Variants in POU3F2 observed in about 807,000 individuals in gnomAD.
The protein encoded by POU3F2 is POU class 3 homeobox 2.
A neutral mutation model predicts 33.1 loss-of-function variants in POU3F2; 11 were observed. The observed-to-expected ratio is 0.33, with a 90% CI of 0.21 to 0.55. POU3F2 has a LOEUF of 0.55. Among genes scored for constraint, POU3F2 ranks in the 20% least tolerant of loss-of-function variants. POU3F2 has a pLI of 0.91. For synonymous variants in POU3F2, 332 were observed against 289.6 expected, an observed-to-expected ratio of 1.15 and a Z score of -1.49; for missense variants, 456 against 620.2, an observed-to-expected ratio of 0.74 and a Z score of 2.81.
At position 98,834,999 on chromosome 6, in the gene POU3F2, G is replaced by T. The variant is rs1769970438; in HGVS notation, c.126G>T (p.Gln42His). The T allele has an allele frequency of 1.3e-6, 2 of 1,592,708 alleles. No homozygotes were observed. Among genetic ancestry groups the T allele is most frequent in the African/African-American group, 1.3e-5 (1 of 74,216 alleles). ...ACCGCGAAGCGCAGAGCCTGGTGCA[G>T]GGCGACTACGGCGCTCTGCAGAGCA... The part of the protein sequence containing the change: ...GGYREAQSLV[Q>H]GDYGALQSNG... Residue 42 changes from glutamine to histidine, a missense_variant, in exon 1 of 1, where the codon CAG becomes CAT. By Grantham distance (24) the Gln-to-His change is conservative. This residue lies in a region of POU3F2 where 341 missense variants were observed against 382.4 expected (regional missense o/e 0.89). Coordinates refer to ENST00000328345, the MANE Select transcript of POU3F2 (RefSeq NM_005604.4).
Position 98,835,121 on chromosome 6 carries a change from G to T in POU3F2, c.248G>T (p.Gly83Val). Reference protein sequence around the residue: ...GGGGGGGGGGGGGGGGDGSPW... With the variant: ...GGGGGGGGGGVGGGGGDGSPW... ...GGCGGCGGCGGGGGGGGCGGGGGCG[G>T]CGGCGGGGGCGGCGGCGACGGCTCC... Residue 83 changes from glycine (G) to valine (V), a missense_variant, in exon 1 of 1, where the codon GGC becomes GTC. Gly to Val is a moderately radical substitution (Grantham distance 109). Coordinates refer to ENST00000328345, the MANE Select transcript of POU3F2 (RefSeq NM_005604.4). The surrounding 1 kb of genome is among the most constrained non-coding windows in gnomAD (Gnocchi z 9.7). 5.8e-6 allele frequency: 7 copies of T among 1,212,140 alleles called. No homozygotes were observed. Among genetic ancestry groups the T allele is most frequent in the Non-Finnish European group, 7.2e-6 (7 of 976,178 alleles). 75.1% of individuals were successfully genotyped at this position (1,212,140 alleles called of 1,614,324 possible).
Position 98,834,644 on chromosome 6 carries a change from G to A in POU3F2, c.-230G>A, listed in dbSNP as rs1356413083. 8 of 569,458 alleles carry A rather than the reference G, an allele frequency of 1.4e-5. 1 individual carries two copies. Among genetic ancestry groups the A allele is most frequent in the Non-Finnish European group, 2.2e-5 (7 of 321,008 alleles). The allele number at this position is 569,458 out of a possible 1,614,324, so 35.3% of individuals were successfully genotyped here. On this transcript the variant is annotated 5_prime_UTR_variant, in exon 1 of 1. Coordinates refer to ENST00000328345, the MANE Select transcript of POU3F2 (RefSeq NM_005604.4). ...AGAGAGTGAGCGAGAGCGAGAAGGA[G>A]GGAGAGGAGGAGAAAGAGAGCGAGG...
Position 98,835,315 on chromosome 6 carries a change from C to G in POU3F2, c.442C>G (p.Gln148Glu). The change falls in exon 1 of 1, where the codon CAA (glutamine) becomes GAA (glutamate). Residue 148 changes from glutamine to glutamate, a missense_variant. Coordinates refer to ENST00000328345, the MANE Select transcript of POU3F2 (RefSeq NM_005604.4). This position sits in a 1 kb window ranked among gnomAD's most constrained non-coding sequence, Gnocchi z 9.7. ...QQQQQQQQQQQQRPPHLVHHA... is the reference protein window; with the variant it reads ...QQQQQQQQQQEQRPPHLVHHA... The stretch of plus-strand genomic sequence containing the variant: ...GCAGCAACAGCAGCAGCAGCAGCAG[C>G]AACAGCGGCCGCCGCATCTGGTGCA... 3.2e-6 allele frequency: 5 copies of G among 1,545,728 alleles called. No homozygotes were observed. Among genetic ancestry groups the G allele is most frequent in the Non-Finnish European group, 4.4e-6 (5 of 1,145,664 alleles).
At position 98,834,919 on chromosome 6, in the gene POU3F2, G is replaced by A. The variant is rs768389252; in HGVS notation, c.46G>A (p.Ala16Thr). The part of the protein sequence containing the change: ...SNHYSLLTSS[A>T]SIVHAEPPGG... Reference sequence around the variant, plus strand: ...CCACTACAGCCTGCTCACCTCCAGCGCCTCCATCGTGCACGCCGAGCCGCC... The same window carrying A: ...CCACTACAGCCTGCTCACCTCCAGCACCTCCATCGTGCACGCCGAGCCGCC... The change falls in exon 1 of 1, where the codon GCC becomes ACC. Residue 16 changes from alanine to threonine, a missense_variant. Around this residue, in one of 6 missense-constraint regions of POU3F2, gnomAD observed 341 missense variants for 382.4 expected, o/e 0.89. Coordinates refer to ENST00000328345, the MANE Select transcript of POU3F2 (RefSeq NM_005604.4). 39 of 1,600,374 alleles carry A rather than the reference G, an allele frequency of 2.4e-5. No individual in the cohort carries two copies. The highest frequency in any genetic ancestry group is 3.0e-5 in the Non-Finnish European group (35 of 1,179,436).
Position 98,834,740 on chromosome 6 carries a change from G to A in POU3F2, c.-134G>A, listed in dbSNP as rs1481396518. On this transcript the variant is annotated 5_prime_UTR_variant, in exon 1 of 1. Coordinates refer to ENST00000328345, the MANE Select transcript of POU3F2 (RefSeq NM_005604.4). ...GAGCAGCAACAGAAGGCGTCGGAGC[G>A]GGCGTCGGAGCTGCCCGCTGTGGGA... 1.0e-6 allele frequency: 1 copy of A among 983,422 alleles called. No homozygotes were observed. Among genetic ancestry groups the A allele is most frequent in the South Asian group, 1.7e-5 (1 of 60,156 alleles). 60.9% of individuals were successfully genotyped at this position (983,422 alleles called of 1,614,324 possible). A position where few individuals can be genotyped will look rare whatever the true frequency, so the allele number is the denominator to read the frequency against.
At position 98,834,651 on chromosome 6, in the gene POU3F2, G is replaced by A; in HGVS notation, c.-223G>A. The A allele has an allele frequency of 1.6e-5, 9 of 578,138 alleles. No homozygotes were observed. The highest frequency in any genetic ancestry group is 2.4e-5 in the Non-Finnish European group (8 of 327,138). The allele number at this position is 578,138 out of a possible 1,614,324, so 35.8% of individuals were successfully genotyped here. On this transcript the variant is annotated 5_prime_UTR_variant, in exon 1 of 1. Coordinates refer to ENST00000328345, the MANE Select transcript of POU3F2 (RefSeq NM_005604.4). ...GAGCGAGAGCGAGAAGGAGGGAGAG[G>A]AGGAGAAAGAGAGCGAGGGCGGGCG...
In POU3F2 at chr6:98,839,153, G is replaced by A. The variant is rs763130765; in HGVS notation, c.*2948G>A. The A allele has an allele frequency of 6.6e-6, 1 of 152,116 alleles. No individual in the cohort carries two copies. Among genetic ancestry groups the A allele is most frequent in the Non-Finnish European group, 1.5e-5 (1 of 68,006 alleles). 9.4% of individuals were successfully genotyped at this position (152,116 alleles called of 1,614,324 possible). ...CCATTTCATGGTCCTACAAAGAGAT[G>A]TTTGTCCCCTTTAAACATATGCAGA... On this transcript the variant is annotated 3_prime_UTR_variant, in exon 1 of 1. Transcript: ENST00000328345.
At position 98,836,353 on chromosome 6, in the gene POU3F2, T is replaced by A; in HGVS notation, c.*148T>A. On this transcript the variant is annotated 3_prime_UTR_variant, in exon 1 of 1. Coordinates refer to ENST00000328345, the MANE Select transcript of POU3F2 (RefSeq NM_005604.4). ...CCGTCCCTTAAAAAGACAAAAAAAATAAGGCAAAAGGAAAGCAACTAAGAC... is the reference window on the plus strand; with the variant it reads ...CCGTCCCTTAAAAAGACAAAAAAAAAAAGGCAAAAGGAAAGCAACTAAGAC... The A allele has an allele frequency of 3.6e-6, 4 of 1,097,846 alleles. No individual in the cohort carries two copies. The highest frequency in any genetic ancestry group is 5.0e-6 in the Non-Finnish European group (4 of 801,718). The allele number at this position is 1,097,846 out of a possible 1,614,324, so 68.0% of individuals were successfully genotyped here.
In POU3F2 at chr6:98,834,692, G is replaced by A. The variant is rs1769964513; in HGVS notation, c.-182G>A. 6 of 663,270 alleles carry A rather than the reference G, an allele frequency of 9.0e-6. No individual in the cohort carries two copies. The highest frequency in any genetic ancestry group is 1.2e-5 in the Non-Finnish European group (5 of 404,010). 41.1% of individuals were successfully genotyped at this position (663,270 alleles called of 1,614,324 possible). On this transcript the variant is annotated 5_prime_UTR_variant, in exon 1 of 1. Coordinates refer to ENST00000328345, the MANE Select transcript of POU3F2 (RefSeq NM_005604.4). ...AGGGCGGGCGGGAGGCGGCGGCGGC[G>A]GCAGCAGCAGCAGTAATAGCAGGAG...
At position 98,835,935 on chromosome 6, in the gene POU3F2, G is replaced by A; in HGVS notation, c.1062G>A (p.Lys354=). The change falls in exon 1 of 1, where the codon AAG becomes AAA. Residue 354 remains lysine, a synonymous_variant. Transcript: ENST00000328345. This position sits in a 1 kb window ranked among gnomAD's most constrained non-coding sequence, Gnocchi z 9.7. Reference sequence around the variant, plus strand: ...ACAAGATCGCAGCGCAAGGGCGCAAGCGGAAAAAGCGGACCTCCATCGAGG... The same window carrying A: ...ACAAGATCGCAGCGCAAGGGCGCAAACGGAAAAAGCGGACCTCCATCGAGG... The part of the protein sequence containing the change: ...SIDKIAAQGR[K]RKKRTSIEVS... 6.2e-7 allele frequency: 1 copy of A among 1,614,220 alleles called. No individual in the cohort carries two copies. The highest frequency in any genetic ancestry group is 8.5e-7 in the Non-Finnish European group (1 of 1,180,042).
rs954020886 is a variant in POU3F2 at position 98,838,781 on chromosome 6, A to G, written c.*2576A>G. 8 of 160,598 alleles carry G rather than the reference A, an allele frequency of 5.0e-5. No individual in the cohort carries two copies. Among genetic ancestry groups the G allele is most frequent in the African/African-American group, 1.9e-4 (8 of 41,464 alleles). The allele number at this position is 160,598 out of a possible 1,614,324, so 9.9% of individuals were successfully genotyped here. A position where few individuals can be genotyped will look rare whatever the true frequency, so the allele number is the denominator to read the frequency against. On this transcript the variant is annotated 3_prime_UTR_variant, in exon 1 of 1. Coordinates refer to ENST00000328345, the MANE Select transcript of POU3F2 (RefSeq NM_005604.4). ...ATTTTATTATCTACATAAAACAGAA[A>G]TGCACAATACCTTCATAGTTTGTTC...
At position 98,836,124 on chromosome 6, in the gene POU3F2, G is replaced by T. The variant is rs761254912; in HGVS notation, c.1251G>T (p.Gly417=). Residue 417 remains glycine (G), a synonymous_variant, in exon 1 of 1, where the codon GGG becomes GGT. Coordinates refer to ENST00000328345, the MANE Select transcript of POU3F2 (RefSeq NM_005604.4). ...AGAAAAGGATGACCCCTCCCGGAGG[G>T]ACTCTGCCGGGCGCCGAGGATGTGT... ...QKEKRMTPPG[G]TLPGAEDVYG... is the part of the protein sequence containing the mutation. 11 of 1,605,108 alleles carry T rather than the reference G, an allele frequency of 6.9e-6. No homozygotes were observed. Among genetic ancestry groups the T allele is most frequent in the Non-Finnish European group, 9.3e-6 (11 of 1,177,922 alleles).
chr6:98,838,468 A>C lies in POU3F2; in HGVS notation c.*2263A>C, dbSNP rs1463717563. Reference sequence around the variant, plus strand: ...AATATCTGTCTTTTGAAATGCAGAAATAGTTTAAATGTTTCTTTGTCTATT... The same window carrying C: ...AATATCTGTCTTTTGAAATGCAGAACTAGTTTAAATGTTTCTTTGTCTATT... On this transcript the variant is annotated 3_prime_UTR_variant, in exon 1 of 1. Transcript: ENST00000328345. 6.0e-6 allele frequency: 1 copy of C among 166,904 alleles called. No individual in the cohort carries two copies. 10.3% of individuals were successfully genotyped at this position (166,904 alleles called of 1,614,324 possible).
Position 98,838,665 on chromosome 6 carries a change from C to T in POU3F2, c.*2460C>T, listed in dbSNP as rs1770032809. On this transcript the variant is annotated 3_prime_UTR_variant, in exon 1 of 1. Coordinates refer to ENST00000328345, the MANE Select transcript of POU3F2 (RefSeq NM_005604.4). Reference sequence around the variant, plus strand: ...ATGGGATGTAATTTTTTTGTTCAGTCTCTTAAAAAATACTTTGTTTTGGTA... The same window carrying T: ...ATGGGATGTAATTTTTTTGTTCAGTTTCTTAAAAAATACTTTGTTTTGGTA... 2 of 165,748 alleles carry T rather than the reference C, an allele frequency of 1.2e-5. No individual in the cohort carries two copies. The highest frequency in any genetic ancestry group is 2.9e-5 in the Non-Finnish European group (2 of 68,050). 10.3% of individuals were successfully genotyped at this position (165,748 alleles called of 1,614,324 possible). A position where few individuals can be genotyped will look rare whatever the true frequency, so the allele number is the denominator to read the frequency against.
rs1252802628 is a variant in POU3F2 at position 98,835,635 on chromosome 6, G to A, written c.762G>A (p.Ala254=). 1 of 1,612,640 alleles carries A rather than the reference G, an allele frequency of 6.2e-7. No individual in the cohort carries two copies. The highest frequency in any genetic ancestry group is 1.3e-5 in the African/African-American group (1 of 74,920). The change falls in exon 1 of 1, where the codon GCG becomes GCA. Residue 254 remains alanine (A), a synonymous_variant. Transcript: ENST00000328345. The surrounding 1 kb of genome is among the most constrained non-coding windows in gnomAD (Gnocchi z 9.7). ...PPQGPPGHPG[A]HHDPHSDEDT... is the part of the protein sequence containing the mutation. ...AGGGTCCGCCTGGCCACCCAGGCGC[G>A]CACCACGACCCGCACTCGGACGAGG...
At position 98,835,134 on chromosome 6, in the gene POU3F2, C is replaced by T. The variant is rs1182274809; in HGVS notation, c.261C>T (p.Gly87=). The T allele has an allele frequency of 2.8e-5, 34 of 1,222,772 alleles. No individual in the cohort carries two copies. Among genetic ancestry groups the T allele is most frequent in the South Asian group, 1.1e-4 (3 of 27,088 alleles). The allele number at this position is 1,222,772 out of a possible 1,614,324, so 75.7% of individuals were successfully genotyped here. A position where few individuals can be genotyped will look rare whatever the true frequency, so the allele number is the denominator to read the frequency against. ...GGGGGGGGGG[G]GDGSPWSTSP... Reference sequence around the variant, plus strand: ...GGGGCGGGGGCGGCGGCGGGGGCGGCGGCGACGGCTCCCCGTGGTCCACCA... The same window carrying T: ...GGGGCGGGGGCGGCGGCGGGGGCGGTGGCGACGGCTCCCCGTGGTCCACCA... The change falls in exon 1 of 1, where the codon GGC becomes GGT. Residue 87 remains glycine, a synonymous_variant. Transcript: ENST00000328345. This position sits in a 1 kb window ranked among gnomAD's most constrained non-coding sequence, Gnocchi z 9.7.
In POU3F2 at chr6:98,835,601, C is replaced by T. The variant is rs1403514619; in HGVS notation, c.728C>T (p.Pro243Leu). 6 of 1,608,518 alleles carry T rather than the reference C, an allele frequency of 3.7e-6. No homozygotes were observed. Among genetic ancestry groups the T allele is most frequent in the South Asian group, 2.2e-5 (2 of 90,912 alleles). Residue 243 changes from proline to leucine, a missense_variant, in exon 1 of 1, where the codon CCG becomes CTG. Pro to Leu is a moderately conservative substitution (Grantham distance 98). This residue lies in a region of POU3F2 where 341 missense variants were observed against 382.4 expected (regional missense o/e 0.89). Transcript: ENST00000328345. This position sits in a 1 kb window ranked among gnomAD's most constrained non-coding sequence, Gnocchi z 9.7. ...CCACACCAGCAGCCGCCGCCCCCGC[C>T]GCCCCCGCAGGGTCCGCCTGGCCAC... ...SHPHQQPPPP[P>L]PPQGPPGHPG...
rs1769978080 is a variant in POU3F2 at position 98,835,254 on chromosome 6, G to A, written c.381G>A (p.Gln127=). 4 of 1,543,152 alleles carry A rather than the reference G, an allele frequency of 2.6e-6. No homozygotes were observed. Among genetic ancestry groups the A allele is most frequent in the African/African-American group, 1.4e-5 (1 of 72,184 alleles). ...ELHGPGALQQ[Q]HQQQQQQQQQ... ...ACGGGCCAGGCGCCCTGCAGCAGCA[G>A]CATCAGCAGCAGCAACAGCAACAGC... The change falls in exon 1 of 1, where the codon CAG becomes CAA. Residue 127 remains glutamine, a synonymous_variant. Transcript: ENST00000328345. This position sits in a 1 kb window ranked among gnomAD's most constrained non-coding sequence, Gnocchi z 9.7.
chr6:98,836,447 A>G lies in POU3F2; in HGVS notation c.*242A>G. 2 of 474,774 alleles carry G rather than the reference A, an allele frequency of 4.2e-6. No homozygotes were observed. The highest frequency in any genetic ancestry group is 7.5e-6 in the Non-Finnish European group (2 of 268,408). 29.4% of individuals were successfully genotyped at this position (474,774 alleles called of 1,614,324 possible). On this transcript the variant is annotated 3_prime_UTR_variant, in exon 1 of 1. Coordinates refer to ENST00000328345, the MANE Select transcript of POU3F2 (RefSeq NM_005604.4). ...GACCTTTGCAGGCGAGTAACCAGGC[A>G]ATGGAGTGGAGTGTCTCCTGGAGAG...
Sources: allele counts gnomAD v4.1 joint callset, GRCh38; gene constraint gnomAD v4.1.1; regional missense constraint gnomAD v4.1.1; non-coding constraint Gnocchi (gnomAD v3.1); transcripts MANE v1.5; gene names NCBI Gene and HGNC (gene_info 2026-07-23, HGNC 2026-07-21).